PTPRD: variants seen among roughly 807,000 people sequenced by gnomAD.
PTPRD encodes the protein protein tyrosine phosphatase receptor type D.
In PTPRD, 34 loss-of-function variants were observed where a neutral mutation model predicts 214.5. That is an observed-to-expected ratio of 0.16 (90% confidence interval 0.12 to 0.21). PTPRD has a LOEUF of 0.21. PTPRD is among the 10% of genes least tolerant of loss of function. PTPRD has a pLI of 1.00. For synonymous variants in PTPRD, 1,128 were observed against 845.7 expected, an observed-to-expected ratio of 1.33 and a Z score of -5.79; for missense variants, 2,545 against 2,398.7, an observed-to-expected ratio of 1.06 and a Z score of -1.27.
chr9:10,395,996 C>T (rs1262371075), intron 2 of PTPRD, among the ~76,000 whole-genome samples: 1 of 143,554 alleles, frequency 7.0e-6, no homozygotes. Flanking sequence ...AGAGACACAG[C>T]GAGAGACAGA....
intron 11 of PTPRD, among the ~76,000 whole-genome samples, chr9:8,988,525 G>T (rs184954939): frequency 1.9e-4 from 29 of 152,150 alleles, no homozygotes; most frequent in Middle Eastern, 6.8e-3. Context: ...TTTATTTGTT[G>T]ATGTGACCTG....
chr9:8,814,665 T>A (rs913336367), intron 11 of PTPRD, among the ~76,000 whole-genome samples: 1 of 152,124 alleles, frequency 6.6e-6, no homozygotes, highest in South Asian at 2.1e-4. Flanking sequence ...GCACAAACCA[T>A]CTGTGACGTA....
intron 4 of PTPRD, among the ~76,000 whole-genome samples, chr9:9,986,973 T>A (rs1307132724): frequency 6.6e-6 from 1 of 152,092 alleles, no homozygotes; most frequent in African/African-American, 2.4e-5. Flanking sequence ...TGAACAGGAA[T>A]AACTTTTAGC....
At chr9:8,495,278 C>A (rs2097238163) in intron 26 of PTPRD, among the ~76,000 whole-genome samples, 1 of 152,170 alleles carries the variant, frequency 6.6e-6, no homozygotes, top group Non-Finnish European at 1.5e-5. Flanking sequence ...GGTAACACAT[C>A]TGCAAAACTT....
intron 35 of PTPRD, among the ~76,000 whole-genome samples, chr9:8,422,147 C>CAAA (rs768623202): frequency 0.12 from 4,131 of 34,156 alleles, 717 homozygotes; most frequent in Middle Eastern, 0.25. Flanking sequence ...ACCCTGTCTC[C>CAAA]AAAAAAAAAA....
intron 4 of PTPRD, among the ~76,000 whole-genome samples, chr9:10,016,811 T>G (rs758856105): frequency 6.6e-6 from 1 of 152,034 alleles, no homozygotes; most frequent in African/African-American, 2.4e-5. Context: ...ACTACATGCA[T>G]GCACCATCAT....
Position 9,768,005 on chromosome 9 carries a change from G to A in PTPRD, c.-367-1154C>T, listed in dbSNP as rs990339388. 2.6e-5 allele frequency among the ~76,000 whole-genome samples: 4 copies of A among 152,106 alleles called. No homozygotes were observed. In the South Asian group the frequency reaches 8.3e-4, roughly 32 times the overall value. On this transcript the variant is annotated intron_variant, in intron 5 of 45. Coordinates refer to ENST00000381196, the MANE Select transcript of PTPRD (RefSeq NM_002839.4). ...CATCGAAACAGCACAAAATACAAGT[G>A]CATCCATACATACACCATCACTTAG...
At chr9:10,341,895 T>C (rs2096946752) in intron 2 of PTPRD, among the ~76,000 whole-genome samples, 1 of 152,034 alleles carries the variant, frequency 6.6e-6, no homozygotes, top group Admixed American at 6.6e-5. Flanking sequence ...CAGCATAGAG[T>C]GTTAAGCAAT....
intron 2 of PTPRD, among the ~76,000 whole-genome samples, chr9:10,464,592 T>C (rs1014504270): frequency 6.6e-5 from 10 of 152,206 alleles, no homozygotes; most frequent in African/African-American, 2.4e-4. Flanking sequence ...GGTACACCCC[T>C]ATATCACAGA....
intron 10 of PTPRD, among the ~76,000 whole-genome samples, chr9:9,089,417 TC>T (rs1282114547): frequency 6.6e-6 from 1 of 152,174 alleles, no homozygotes; most frequent in Non-Finnish European, 1.5e-5. Context: ...GGACAATTGC[TC>T]CCCAGATTCA....
intron 14 of PTPRD, among the ~76,000 whole-genome samples, chr9:8,583,264 C>G (rs1005342701): frequency 6.6e-6 from 1 of 152,084 alleles, no homozygotes; most frequent in Non-Finnish European, 1.5e-5. Context: ...GCTGTGCAGC[C>G]CAGTTCTTAA....
In PTPRD at chr9:8,745,329, T is replaced by C. The variant is rs181104569; in HGVS notation, c.-103-11383A>G. ...TCTGACTTACTGCAACAGAAATAGATAGCTGAGGCGATGTCATGATTAATT... is the reference window on the plus strand; with the variant it reads ...TCTGACTTACTGCAACAGAAATAGACAGCTGAGGCGATGTCATGATTAATT... On this transcript the variant is annotated intron_variant, in intron 11 of 45. Coordinates refer to ENST00000381196, the MANE Select transcript of PTPRD (RefSeq NM_002839.4). 2.8e-3 allele frequency among the ~76,000 whole-genome samples: 419 copies of C among 152,312 alleles called. 6 individuals carry two copies. The highest frequency in any genetic ancestry group is 4.0e-3 in the Non-Finnish European group (274 of 68,032).
intron 3 of PTPRD, among the ~76,000 whole-genome samples, chr9:10,206,227 T>G (rs1052173732): frequency 5.3e-5 from 8 of 152,076 alleles, no homozygotes; most frequent in Non-Finnish European, 7.4e-5. Flanking sequence ...TCTGGGAAAC[T>G]CAAAGAGGCT....
At chr9:9,606,493 T>C (rs2094162558) in intron 7 of PTPRD, among the ~76,000 whole-genome samples, 1 of 152,068 alleles carries the variant, frequency 6.6e-6, no homozygotes, top group South Asian at 2.1e-4. Context: ...TTAAATTGTG[T>C]CACATGGCTT....
At chr9:9,916,659 C>G (rs924382287) in intron 5 of PTPRD, among the ~76,000 whole-genome samples, 1 of 151,782 alleles carries the variant, frequency 6.6e-6, no homozygotes, top group Non-Finnish European at 1.5e-5. Context: ...CAAAAGCTAA[C>G]AGTAGTTATA....
At chr9:10,120,816 C>G (rs1563943142) in intron 3 of PTPRD, among the ~76,000 whole-genome samples, 1 of 152,028 alleles carries the variant, frequency 6.6e-6, no homozygotes, top group African/African-American at 2.4e-5. Context: ...TTAATAATTG[C>G]AGGCCAAATA....
At chr9:10,458,294 C>T (rs575230252) in intron 2 of PTPRD, among the ~76,000 whole-genome samples, 7 of 152,068 alleles carry the variant, frequency 4.6e-5, no homozygotes, top group South Asian at 2.1e-4. Context: ...AAAAATTACT[C>T]GACAAAATAT....
intron 14 of PTPRD, among the ~76,000 whole-genome samples, chr9:8,612,296 T>A (rs1295583793): frequency 1.3e-5 from 2 of 152,250 alleles, no homozygotes; most frequent in Non-Finnish European, 2.9e-5. Context: ...CATTGTTTGC[T>A]TTTGTATGTT....
chr9:9,224,835 A>G (rs536306074), intron 9 of PTPRD, among the ~76,000 whole-genome samples: 12 of 151,972 alleles, frequency 7.9e-5, no homozygotes, highest in Non-Finnish European at 1.8e-4. Flanking sequence ...ATCATCTTTC[A>G]CAATAAAAAG....
Sources: allele counts gnomAD v4.1 joint callset (sites outside exome capture counted in the v4.1 genomes callset), GRCh38; gene constraint gnomAD v4.1.1; transcripts MANE v1.5; gene names NCBI Gene and HGNC (gene_info 2026-07-23, HGNC 2026-07-21).